ZNF423: variants seen among roughly 807,000 people sequenced by gnomAD.
The protein encoded by ZNF423 is zinc finger protein 423.
A neutral mutation model predicts 95.8 loss-of-function variants in ZNF423; 12 were observed. The observed-to-expected ratio is 0.13, with a 90% CI of 0.08 to 0.20. The LOEUF is 0.20. Ranked by LOEUF, ZNF423 falls within the 10% of genes least tolerant of loss-of-function variation. The pLI is 1.00. For missense variants in ZNF423, 1,316 were observed against 1,737.1 expected (o/e 0.76, Z 4.31); for synonymous variants, 749 against 711.9 (o/e 1.05, Z -0.83).
intron 2 of ZNF423, among the ~76,000 whole-genome samples, chr16:49,760,288 T>C (rs1196664471): frequency 3.5e-5 from 4 of 114,104 alleles, no homozygotes; most frequent in Non-Finnish European, 6.7e-5. Flanking sequence ...GGTGGATGGG[T>C]TGATGAATGG....
intron 5 of ZNF423, among the ~76,000 whole-genome samples, chr16:49,548,582 T>C (rs925223098): frequency 2.0e-5 from 3 of 151,556 alleles, no homozygotes; most frequent in African/African-American, 4.9e-5. Context: ...GCTGTTCCAG[T>C]TAACCTGCAA....
intron 5 of ZNF423, among the ~76,000 whole-genome samples, chr16:49,526,431 G>A (rs767175252): frequency 3.9e-5 from 6 of 152,314 alleles, no homozygotes; most frequent in Admixed American, 1.3e-4. Context: ...GACACAGAGT[G>A]CCTGAGCACC....
intron 3 of ZNF423, among the ~76,000 whole-genome samples, chr16:49,657,759 A>G (rs2029962370): frequency 6.6e-6 from 1 of 152,186 alleles, no homozygotes; most frequent in African/African-American, 2.4e-5. Context: ...TCCTCGCCAC[A>G]TATGTGCACT....
At chr16:49,520,519 C>A (rs978226016) in intron 7 of ZNF423, among the ~76,000 whole-genome samples, 4 of 152,324 alleles carry the variant, frequency 2.6e-5, no homozygotes, top group Non-Finnish European at 4.4e-5. Context: ...ACTTCCTGGT[C>A]CTGCAGTGAG....
rs7187764 is a variant in ZNF423 at position 49,492,587 on chromosome 16, A to G, written c.3850-1283T>C. Among the ~76,000 whole-genome samples the G allele has an allele frequency of 0.023, 3,491 of 152,186 alleles. 142 individuals are homozygous for G. Among genetic ancestry groups the G allele is most frequent in the African/African-American group, 0.079 (3,292 of 41,530 alleles). ...CTGCGAAGGCTGCGGCCCCCGTGGT[A>G]ATGTCACCGACCCTTCCTGCGAGCT... On this transcript the variant is annotated intron_variant, in intron 7 of 7. Coordinates refer to ENST00000563137, the MANE Select transcript of ZNF423 (RefSeq NM_001379286.1). This position sits in a 1 kb window ranked among gnomAD's most constrained non-coding sequence, Gnocchi z 4.2.
chr16:49,695,070 C>T (rs1272745579), intron 3 of ZNF423, among the ~76,000 whole-genome samples: 1 of 152,158 alleles, frequency 6.6e-6, no homozygotes, highest in African/African-American at 2.4e-5. Context: ...CAGTTCTGCA[C>T]CGAGCAGCTC....
rs542828595 is a variant in ZNF423 at position 49,831,265 on chromosome 16, T to A, written c.40+24470A>T. Among the ~76,000 whole-genome samples, 3 of 152,260 alleles carry A rather than the reference T, an allele frequency of 2.0e-5. No homozygotes were observed. In the South Asian group the frequency reaches 6.2e-4, roughly 32 times the overall value. On this transcript the variant is annotated intron_variant, in intron 1 of 7. Transcript: ENST00000563137. ...CCTGAGTCCATGTTCTACAGTGAAATCTTTCTTTATTCATTTTATCTTTGT... is the reference window on the plus strand; with the variant it reads ...CCTGAGTCCATGTTCTACAGTGAAAACTTTCTTTATTCATTTTATCTTTGT...
At chr16:49,634,635 C>T (rs1972618892) in intron 4 of ZNF423, among the ~76,000 whole-genome samples, 1 of 152,210 alleles carries the variant, frequency 6.6e-6, no homozygotes, top group Non-Finnish European at 1.5e-5. Context: ...CCAAATCCTG[C>T]CTCCCTGCCA....
At chr16:49,739,003 G>A (rs1323272314) in intron 2 of ZNF423, among the ~76,000 whole-genome samples, 1 of 151,948 alleles carries the variant, frequency 6.6e-6, no homozygotes, top group Non-Finnish European at 1.5e-5. Context: ...ACAAGCAGCA[G>A]ATGGCTGGAT....
intron 7 of ZNF423, among the ~76,000 whole-genome samples, chr16:49,501,547 A>C (rs1967402040): frequency 6.6e-6 from 1 of 152,156 alleles, no homozygotes; most frequent in South Asian, 2.1e-4. Flanking sequence ...AAGGAAAATA[A>C]GCATTCCACC....
At chr16:49,856,706 C>T (rs2035374747), upstream of ZNF423, among the ~76,000 whole-genome samples, 1 of 147,512 alleles carries the variant, frequency 6.8e-6, no homozygotes, top group South Asian at 2.2e-4. Flanking sequence ...GGCGCTCAGG[C>T]GGCGGCCGGC....
intron 1 of ZNF423, among the ~76,000 whole-genome samples, chr16:49,833,021 CCTTCAT>C (rs1297238226): frequency 6.6e-6 from 1 of 152,242 alleles, no homozygotes; most frequent in East Asian, 1.9e-4. Flanking sequence ...CAGTTCGCAG[CCTTCAT>C]CTAAAAGGTT....
intron 1 of ZNF423, among the ~76,000 whole-genome samples, chr16:49,831,607 C>A (rs1364035058): frequency 6.6e-6 from 1 of 152,202 alleles, no homozygotes; most frequent in Non-Finnish European, 1.5e-5. Flanking sequence ...TGATGAAGGC[C>A]TGGAAGCACA....
At chr16:49,607,068 G>GT (rs1453161983) in intron 5 of ZNF423, among the ~76,000 whole-genome samples, 1 of 120,002 alleles carries the variant, frequency 8.3e-6, no homozygotes, top group Non-Finnish European at 1.7e-5. Context: ...AAATGTTTTG[G>GT]ATTTTTTTTT....
intron 3 of ZNF423, among the ~76,000 whole-genome samples, chr16:49,703,170 C>T (rs929332753): frequency 2.6e-5 from 4 of 152,174 alleles, no homozygotes; most frequent in African/African-American, 9.7e-5. Flanking sequence ...ACCAGAGAGG[C>T]GACCTGCTTA....
At chr16:49,763,522 T>C (rs576580968) in intron 2 of ZNF423, among the ~76,000 whole-genome samples, 70 of 152,262 alleles carry the variant, frequency 4.6e-4, no homozygotes, top group African/African-American at 1.6e-3. Context: ...AATCAAGGTA[T>C]GGGACATTCC....
intron 3 of ZNF423, among the ~76,000 whole-genome samples, chr16:49,661,015 G>C (rs980430412): frequency 6.6e-6 from 1 of 152,072 alleles, no homozygotes; most frequent in Admixed American, 6.5e-5. Context: ...GAGGTTAGGC[G>C]TTCAAGACCA....
In ZNF423 at chr16:49,638,673, T is replaced by C. The variant is rs1972856242; in HGVS notation, c.503A>G (p.His168Arg). ...GCACTTGAACGGCAGCTTGTCGCTGTGGATCTGCTCGTGCCTCTTCAAGTA... is the reference window on the plus strand; with the variant it reads ...GCACTTGAACGGCAGCTTGTCGCTGCGGATCTGCTCGTGCCTCTTCAAGTA... ...LSYLKRHEQI[H>R]SDKLPFKCTY... Residue 168 changes from histidine (H) to arginine (R), a missense_variant, in exon 4 of 8, where the codon CAC becomes CGC. Physicochemically the swap from His to Arg is conservative, Grantham distance 29. Coordinates refer to ENST00000563137, the MANE Select transcript of ZNF423 (RefSeq NM_001379286.1). This position sits in a 1 kb window ranked among gnomAD's most constrained non-coding sequence, Gnocchi z 5.6. 1 of 1,614,002 alleles carries C rather than the reference T, an allele frequency of 6.2e-7. No homozygotes were observed. The highest frequency in any genetic ancestry group is 8.5e-7 in the Non-Finnish European group (1 of 1,180,036).
chr16:49,514,645 TTA>T (rs1397242903), intron 7 of ZNF423, among the ~76,000 whole-genome samples: 1 of 152,194 alleles, frequency 6.6e-6, no homozygotes, highest in Non-Finnish European at 1.5e-5. Flanking sequence ...AGCTCTGCTT[TTA>T]ATCAATTGTA....
Sources: gnomAD v4.1 joint callset for allele counts (sites outside exome capture counted in the v4.1 genomes callset) on GRCh38, gnomAD v4.1.1 for gene constraint, Gnocchi (gnomAD v3.1) non-coding constraint, MANE v1.5 for transcripts, NCBI Gene and HGNC (gene_info 2026-07-23, HGNC 2026-07-21) for gene names.